The following FRMD3 variants were observed in gnomAD, a reference collection of about 807,000 sequenced individuals.
FRMD3 encodes the protein FERM domain containing 3, also known as FERM domain-containing protein 3.
A neutral mutation model predicts 70.2 loss-of-function variants in FRMD3; 33 were observed. The ratio of observed to expected loss-of-function variants is 0.47; its 90% CI spans 0.36 to 0.63. FRMD3 has a LOEUF of 0.63. FRMD3 is among the 20% of genes least tolerant of loss of function. FRMD3 has a pLI of 0.00. For missense variants in FRMD3, 632 were observed against 711.4 expected, an observed-to-expected ratio of 0.89 and a Z score of 1.27; for synonymous variants, 279 against 255.9, an observed-to-expected ratio of 1.09 and a Z score of -0.86.
Position 83,423,585 on chromosome 9 carries a change from C to CTTTTTTTTTTTTTTTT in FRMD3, c.148-33893_148-33878dup, listed in dbSNP as rs869226126. 6.6e-5 allele frequency among the ~76,000 whole-genome samples: 4 copies of CTTTTTTTTTTTTTTTT among 60,480 alleles called. 1 individual carries two copies. The highest frequency in any genetic ancestry group is 9.0e-5 in the Non-Finnish European group (3 of 33,510). 39.7% of individuals were successfully genotyped at this position (60,480 alleles called of 152,430 possible). A position where few individuals can be genotyped will look rare whatever the true frequency, so the allele number is the denominator to read the frequency against. ...TTCCCTAGTTGCACTAGCCCTGTTT[C>CTTTTTTTTTTTTTTTT]TTTTTTTTTTTTTTTTTTTTTTTTT... On this transcript the variant is annotated intron_variant, in intron 1 of 13. Coordinates refer to ENST00000304195, the MANE Select transcript of FRMD3 (RefSeq NM_174938.6).
chr9:83,580,978 G>A, the FRMD3 span, among the ~76,000 whole-genome samples: 1 of 151,984 alleles, frequency 6.6e-6, no homozygotes, highest in Non-Finnish European at 1.5e-5. Context: ...TTGTGGAGAG[G>A]GAGGCTAGAT....
intron 8 of FRMD3, among the ~76,000 whole-genome samples, chr9:83,311,597 G>C (rs1029416013): frequency 6.6e-6 from 1 of 152,016 alleles, no homozygotes. Context: ...TGACCCATCC[G>C]TGTGCCCCCC....
intron 1 of FRMD3, among the ~76,000 whole-genome samples, chr9:83,409,937 A>G (rs1026187509): frequency 2.0e-5 from 3 of 152,188 alleles, no homozygotes; most frequent in Non-Finnish European, 4.4e-5. Context: ...CCCTGGATCA[A>G]GTGTGAAACT....
the FRMD3 span, among the ~76,000 whole-genome samples, chr9:83,569,518 T>C: frequency 6.6e-6 from 1 of 152,142 alleles, no homozygotes; most frequent in African/African-American, 2.4e-5. Flanking sequence ...GAAGCTGCAG[T>C]TTCCTTCCTC....
intron 5 of FRMD3, among the ~76,000 whole-genome samples, chr9:83,342,579 C>G (rs539134974): frequency 3.9e-5 from 6 of 152,130 alleles, no homozygotes; most frequent in African/African-American, 1.4e-4. Context: ...CTTGTGCTCT[C>G]CTCACCATGC....
chr9:83,351,092 A>G (rs745600688), intron 3 of FRMD3: 1 of 462,082 alleles, frequency 2.2e-6, no homozygotes, highest in Non-Finnish European at 2.8e-6. Context: ...ACCCAAATTC[A>G]TCTTTCAAGA....
intron 1 of FRMD3, among the ~76,000 whole-genome samples, chr9:83,432,753 A>T (rs1012692586): frequency 2.0e-5 from 3 of 152,232 alleles, no homozygotes; most frequent in South Asian, 2.1e-4. Context: ...TAACAGATTT[A>T]AAAAAATTTT....
At chr9:83,563,940 T>A in the FRMD3 span, among the ~76,000 whole-genome samples, 1 of 152,172 alleles carries the variant, frequency 6.6e-6, no homozygotes, top group Non-Finnish European at 1.5e-5. Flanking sequence ...TCCCTTAAAA[T>A]TCGTCTCCTG....
At chr9:83,507,516 A>G (rs1829213357) in intron 1 of FRMD3, among the ~76,000 whole-genome samples, 1 of 149,824 alleles carries the variant, frequency 6.7e-6, no homozygotes. Flanking sequence ...AAAATAAAGA[A>G]AAAATTAGCC....
At chr9:83,452,226 G>A (rs1220786078) in intron 1 of FRMD3, among the ~76,000 whole-genome samples, 1 of 152,164 alleles carries the variant, frequency 6.6e-6, no homozygotes, top group Non-Finnish European at 1.5e-5. Flanking sequence ...TGATATGGGA[G>A]CTGTCAAAAT....
chr9:83,527,022 C>T (rs986016769), intron 1 of FRMD3, among the ~76,000 whole-genome samples: 3 of 152,126 alleles, frequency 2.0e-5, no homozygotes, highest in Middle Eastern at 3.2e-3. Context: ...GGTCATTGTC[C>T]CTCAGAGTCA....
At chr9:83,318,867 T>G (rs1441681636) in intron 6 of FRMD3, among the ~76,000 whole-genome samples, 1 of 152,214 alleles carries the variant, frequency 6.6e-6, no homozygotes, top group Non-Finnish European at 1.5e-5. Flanking sequence ...GGTCTCTCAT[T>G]GTGGTTTTAA....
intron 6 of FRMD3, among the ~76,000 whole-genome samples, chr9:83,323,970 T>C (rs1263889152): frequency 2.0e-5 from 3 of 152,242 alleles, no homozygotes; most frequent in African/African-American, 4.8e-5. Context: ...CCTGTACATG[T>C]ACCTTAGGAG....
rs112869540 is a variant in FRMD3, at chr9:83,297,075, A to G, written c.1070+1673T>C. Among the ~76,000 whole-genome samples the G allele has an allele frequency of 4.5e-3, 683 of 152,360 alleles. 1 individual carries two copies. Among genetic ancestry groups the G allele is most frequent in the African/African-American group, 0.016 (655 of 41,586 alleles). On this transcript the variant is annotated intron_variant, in intron 12 of 13. Transcript: ENST00000304195. ...TCAAACCAAAATTTACAAGAGAAGC[A>G]TTTAAAAAAATTCTTTATTGACCTC...
chr9:83,323,645 T>C (rs1835896968), intron 6 of FRMD3, among the ~76,000 whole-genome samples: 1 of 152,122 alleles, frequency 6.6e-6, no homozygotes, highest in African/African-American at 2.4e-5. Flanking sequence ...ACCTTAAACT[T>C]CCACGCCTCC....
At chr9:83,400,791 G>A (rs1160380577) in intron 1 of FRMD3, among the ~76,000 whole-genome samples, 1 of 152,172 alleles carries the variant, frequency 6.6e-6, no homozygotes, top group African/African-American at 2.4e-5. Context: ...ATATTTTTAA[G>A]TTATCCTGAC....
chr9:83,406,178 T>G (rs749807857), intron 1 of FRMD3, among the ~76,000 whole-genome samples: 10 of 151,962 alleles, frequency 6.6e-5, no homozygotes, highest in Non-Finnish European at 1.0e-4. Flanking sequence ...GTCCTCTGAG[T>G]CTTCTGCCTC....
chr9:83,518,590 A>G (rs565626012), intron 1 of FRMD3, among the ~76,000 whole-genome samples: 112 of 152,252 alleles, frequency 7.4e-4, no homozygotes, highest in Non-Finnish European at 2.9e-5. Context: ...ATTCAATGCT[A>G]CTCCCATCAA....
At chr9:83,529,545 A>G (rs574399581) in intron 1 of FRMD3, among the ~76,000 whole-genome samples, 1 of 152,354 alleles carries the variant, frequency 6.6e-6, no homozygotes, top group South Asian at 2.1e-4. Context: ...AGCTAAAACT[A>G]TAAAACTGTT....
Sources: gnomAD v4.1 joint callset for allele counts (sites outside exome capture counted in the v4.1 genomes callset) on GRCh38, gnomAD v4.1.1 for gene constraint, MANE v1.5 for transcripts, NCBI Gene and HGNC (gene_info 2026-07-23, HGNC 2026-07-21) for gene names.